The following CCDC7 variants were observed in gnomAD, a reference collection of about 807,000 sequenced individuals.
CCDC7 encodes the protein coiled-coil domain-containing protein 7.
Under a neutral mutation model 196.9 loss-of-function variants are expected in CCDC7, and 183 were observed. The ratio of observed to expected loss-of-function variants is 0.93; its 90% CI spans 0.82 to 1.05. The LOEUF (loss-of-function observed/expected upper bound fraction) is 1.05. Among genes scored for constraint, CCDC7 ranks in the 50% least tolerant of loss-of-function variants. The pLI is 0.00. For missense variants in CCDC7, 1,540 were observed against 1,482.2 expected (o/e 1.04, Z -0.64); for synonymous variants, 525 against 484.6 (o/e 1.08, Z -1.10).
exon 16 of CCDC7, chr10:32,571,890 A>C (rs1195622524): frequency 6.4e-7 from 1 of 1,572,438 alleles, no homozygotes; most frequent in East Asian, 2.4e-5. Flanking sequence ...CTGATTGAAA[A>C]GAGGTAAAAC....
intron 13 of CCDC7, among the ~76,000 whole-genome samples, chr10:32,549,862 C>T (rs1281132567): frequency 6.6e-6 from 1 of 151,790 alleles, no homozygotes; most frequent in Admixed American, 6.6e-5. Flanking sequence ...CTTCAGATTT[C>T]TTCTTTTTGC....
At chr10:32,729,626 G>GCT (rs2083619923) in intron 28 of CCDC7, among the ~76,000 whole-genome samples, 169 bp downstream of exon 29, 1 of 151,994 alleles carries the variant, frequency 6.6e-6, no homozygotes, top group Non-Finnish European at 1.5e-5. Flanking sequence ...TCAGTTGCAT[G>GCT]TGTCAAATCT....
chr10:32,444,239 A>G (rs181656715), upstream of CCDC7, among the ~76,000 whole-genome samples: 28 of 152,362 alleles, frequency 1.8e-4, no homozygotes, highest in East Asian at 4.8e-3. Context: ...GATGTCCTTC[A>G]TCAGATGAAA....
intron 29 of CCDC7, among the ~76,000 whole-genome samples, chr10:32,792,290 A>G (rs1031874576): frequency 2.6e-5 from 4 of 152,230 alleles, no homozygotes; most frequent in African/African-American, 9.6e-5. Context: ...TAAACAAAAA[A>G]ATCCAGAATA....
chr10:32,669,780 A>T (rs1328568632), intron 21 of CCDC7, among the ~76,000 whole-genome samples: 1 of 152,002 alleles, frequency 6.6e-6, no homozygotes, highest in African/African-American at 2.4e-5. Flanking sequence ...TTCATTAAAG[A>T]TTCATTGATT....
chr10:32,765,176 A>T (rs2078081215), intron 28 of CCDC7, among the ~76,000 whole-genome samples: 1 of 151,970 alleles, frequency 6.6e-6, no homozygotes, highest in Non-Finnish European at 1.5e-5. Context: ...TACTGCCCAA[A>T]ATTTATACCT....
chr10:32,642,758 A>G (rs1351966691), intron 20 of CCDC7, among the ~76,000 whole-genome samples: 1 of 152,146 alleles, frequency 6.6e-6, no homozygotes, highest in Non-Finnish European at 1.5e-5. Context: ...TCACACTGGG[A>G]TCTGTAGACT....
chr10:32,767,286 T>C (rs2078461576), intron 28 of CCDC7, among the ~76,000 whole-genome samples: 1 of 152,100 alleles, frequency 6.6e-6, no homozygotes, highest in Non-Finnish European at 1.5e-5. Flanking sequence ...GTAAGAGATA[T>C]GTTATATTCA....
At chr10:32,601,670 G>T (rs2061022292) in intron 18 of CCDC7, among the ~76,000 whole-genome samples, 1 of 152,034 alleles carries the variant, frequency 6.6e-6, no homozygotes, top group South Asian at 2.1e-4. Context: ...TCTAGCTAAA[G>T]GATTGTAAAT....
At chr10:32,807,878 G>A (rs1230847260) in intron 30 of CCDC7, among the ~76,000 whole-genome samples, 1 of 151,976 alleles carries the variant, frequency 6.6e-6, no homozygotes, top group Non-Finnish European at 1.5e-5. Flanking sequence ...CTACAGGCAT[G>A]CACCACCATG....
At chr10:32,654,756 T>C (rs1280307216) in intron 20 of CCDC7, among the ~76,000 whole-genome samples, 1 of 152,178 alleles carries the variant, frequency 6.6e-6, no homozygotes. Flanking sequence ...TCAAGGTCAG[T>C]TAGAGGTGAG....
intron 24 of CCDC7, among the ~76,000 whole-genome samples, chr10:32,695,500 T>G (rs577412117): frequency 6.6e-6 from 1 of 152,340 alleles, no homozygotes; most frequent in South Asian, 2.1e-4. Flanking sequence ...GGTAACCTGA[T>G]AGATGGTGTC....
intron 24 of CCDC7, among the ~76,000 whole-genome samples, chr10:32,710,585 T>C (rs4749749): frequency 0.14 from 21,059 of 152,216 alleles, 1,763 homozygotes; most frequent in East Asian, 0.25. Context: ...TAGCATTCTC[T>C]GAGAGTGCCC....
intron 28 of CCDC7, among the ~76,000 whole-genome samples, chr10:32,738,631 G>T (rs2085289480): frequency 6.6e-6 from 1 of 151,422 alleles, no homozygotes; most frequent in Non-Finnish European, 1.5e-5. Context: ...ATGCCACCAT[G>T]CCTGGCTAAT....
intron 33 of CCDC7, among the ~76,000 whole-genome samples, chr10:32,835,171 C>T (rs1254354773): frequency 6.6e-6 from 1 of 152,060 alleles, no homozygotes; most frequent in Non-Finnish European, 1.5e-5. Context: ...ATTTCAAATG[C>T]TATACTTTAA....
intron 29 of CCDC7, among the ~76,000 whole-genome samples, chr10:32,796,703 T>G (rs1428302895): frequency 6.6e-6 from 1 of 152,204 alleles, no homozygotes; most frequent in Non-Finnish European, 1.5e-5. Flanking sequence ...TTTCACACTT[T>G]ATGAGATATC....
intron 9 of CCDC7, among the ~76,000 whole-genome samples, chr10:32,515,618 A>T (rs17575592): frequency 6.6e-6 from 1 of 151,954 alleles, no homozygotes; most frequent in Admixed American, 6.6e-5. Context: ...ATCTTGGCTC[A>T]CTGCAAGCTC....
chr10:32,864,254 G>A (rs1216904632), intron 41 of CCDC7, among the ~76,000 whole-genome samples: 2 of 151,606 alleles, frequency 1.3e-5, no homozygotes, highest in Non-Finnish European at 2.9e-5. Context: ...GTTGGGGAGA[G>A]GAGAGAAAGA....
At chr10:32,537,400 C>T (rs2050697756) in intron 11 of CCDC7, among the ~76,000 whole-genome samples, 3 of 152,116 alleles carry the variant, frequency 2.0e-5, no homozygotes, top group Admixed American at 2.0e-4. Context: ...GATATAACAC[C>T]TTTGTCAGAT....
Sources: gnomAD v4.1 joint callset for allele counts (sites outside exome capture counted in the v4.1 genomes callset) on GRCh38, gnomAD v4.1.1 for gene constraint, MANE v1.5 for transcripts, NCBI Gene and HGNC (gene_info 2026-07-23, HGNC 2026-07-21) for gene names.